The following IRF8 variants were observed in gnomAD, a reference collection of about 807,000 sequenced individuals.
The protein encoded by IRF8 is interferon regulatory factor 8.
In IRF8, 14 loss-of-function variants were observed where a neutral mutation model predicts 48.7. The ratio of observed to expected loss-of-function variants is 0.29; its 90% CI spans 0.19 to 0.45. The LOEUF (loss-of-function observed/expected upper bound fraction) is 0.45. Ranked by LOEUF, IRF8 falls within the 20% of genes least tolerant of loss-of-function variation. The pLI, the probability that IRF8 is intolerant of heterozygous loss-of-function variation, is 1.00. For synonymous variants in IRF8, 278 were observed against 227.3 expected, an observed-to-expected ratio of 1.22 and a Z score of -2.01; for missense variants, 493 against 580.7, an observed-to-expected ratio of 0.85 and a Z score of 1.55.
intron 6 of IRF8, among the ~76,000 whole-genome samples, chr16:85,917,646 A>G (rs1905358889): frequency 1.3e-5 from 2 of 152,212 alleles, no homozygotes; most frequent in African/African-American, 4.8e-5. Context: ...TTGGAGCCCT[A>G]AGTTCAGTGC....
chr16:85,906,819 G>T (rs1472771874), intron 2 of IRF8, among the ~76,000 whole-genome samples: 1 of 152,098 alleles, frequency 6.6e-6, no homozygotes, highest in Non-Finnish European at 1.5e-5. Context: ...CTAGGGGAGG[G>T]GTGCTATTGG....
rs1183491445 is a variant in IRF8 at position 85,922,200 on chromosome 16, C to T, written c.*918C>T. ...GTGGAAGGTGTTAGGGTTTGGGAGA[C>T]AGCTCATCCAATCTCCCAAGTCTCA... On this transcript the variant is annotated 3_prime_UTR_variant, in exon 9 of 9. Coordinates refer to ENST00000268638, the MANE Select transcript of IRF8 (RefSeq NM_002163.4). 1 of 152,356 alleles carries T rather than the reference C, an allele frequency of 6.6e-6. No individual in the cohort carries two copies. Among genetic ancestry groups the T allele is most frequent in the Non-Finnish European group, 1.5e-5 (1 of 68,040 alleles). The allele number at this position is 152,356 out of a possible 1,614,324, so 9.4% of individuals were successfully genotyped here.
At chr16:85,903,440 C>G in intron 2 of IRF8, 1 of 503,606 alleles carries the variant, frequency 2.0e-6, no homozygotes, top group East Asian at 3.7e-5. Flanking sequence ...CTTTTCTTCT[C>G]TTTTCTGCTG....
rs10604224 is a variant in IRF8 at position 85,920,239 on chromosome 16, C to CTTTTTTT, written c.1104+34_1104+40dup. On this transcript the variant is annotated intron_variant, in intron 8 of 8. Coordinates refer to ENST00000268638, the MANE Select transcript of IRF8 (RefSeq NM_002163.4). ...TTCTCGTGCAGGTAAGTATGGGCAG[C>CTTTTTTT]TTTTTTTTTTTTTTTTTTTTTTTTT... The CTTTTTTT allele has an allele frequency of 7.6e-5, 37 of 488,462 alleles. No individual in the cohort carries two copies. Among genetic ancestry groups the CTTTTTTT allele is most frequent in the South Asian group, 1.5e-4 (8 of 53,460 alleles). The allele number at this position is 488,462 out of a possible 1,614,324, so 30.3% of individuals were successfully genotyped here.
intron 6 of IRF8, among the ~76,000 whole-genome samples, chr16:85,916,106 A>G (rs1905296624): frequency 6.6e-6 from 1 of 150,832 alleles, no homozygotes; most frequent in Admixed American, 6.6e-5. Flanking sequence ...CTGTGTAGAT[A>G]AGCATTTGTC....
Position 85,921,777 on chromosome 16 carries a change from A to T in IRF8, c.*495A>T, listed in dbSNP as rs574445483. Reference sequence around the variant, plus strand: ...CTTTTTACTTTTATGCATTTTAATAAGATTTAAAAATATTTAGATTAAAGC... The same window carrying T: ...CTTTTTACTTTTATGCATTTTAATATGATTTAAAAATATTTAGATTAAAGC... On this transcript the variant is annotated 3_prime_UTR_variant, in exon 9 of 9. Transcript: ENST00000268638. 1 of 185,320 alleles carries T rather than the reference A, an allele frequency of 5.4e-6. No homozygotes were observed. The highest frequency in any genetic ancestry group is 5.4e-5 in the Admixed American group (1 of 18,370). 11.5% of individuals were successfully genotyped at this position (185,320 alleles called of 1,614,324 possible). A position where few individuals can be genotyped will look rare whatever the true frequency, so the allele number is the denominator to read the frequency against.
At chr16:85,914,612 G>A (rs1468157815) in intron 6 of IRF8, 92 bp downstream of exon 6, 2 of 1,421,370 alleles carry the variant, frequency 1.4e-6, no homozygotes, top group Admixed American at 1.8e-5. Flanking sequence ...TCGAGGATGA[G>A]CAGGACCTGG....
At chr16:85,918,273 G>T (rs544440308) in intron 6 of IRF8, 144 bp from the exon 7 acceptor site, 1 of 896,304 alleles carries the variant, frequency 1.1e-6, no homozygotes. Flanking sequence ...TCTACAAGCA[G>T]TACATGGATT....
At chr16:85,899,432 C>T (rs2270502) in intron 1 of IRF8, among the ~76,000 whole-genome samples, 12,929 of 152,296 alleles carry the variant, frequency 0.085, 640 homozygotes, top group African/African-American at 0.14. Flanking sequence ...TGTCGTTTGC[C>T]TGTTTCCAAA....
rs1905417284 is a variant in IRF8, at chr16:85,918,691, G to A, written c.876G>A (p.Leu292=). 1 of 1,612,058 alleles carries A rather than the reference G, an allele frequency of 6.2e-7. No homozygotes were observed. Reference sequence around the variant, plus strand: ...GGCAGGGCGTGTTCGTCAAGCGGCTGTGCCAGGGCCGCGTGTTCTGCAGCG... The same window carrying A: ...GGCAGGGCGTGTTCGTCAAGCGGCTATGCCAGGGCCGCGTGTTCTGCAGCG... ...SSRQGVFVKR[L]CQGRVFCSGN... The change falls in exon 7 of 9, where the codon CTG becomes CTA. Residue 292 remains leucine (L), a synonymous_variant. Coordinates refer to ENST00000268638, the MANE Select transcript of IRF8 (RefSeq NM_002163.4).
In IRF8 at chr16:85,918,627, T is replaced by G; in HGVS notation, c.812T>G (p.Phe271Cys). The G allele has an allele frequency of 6.2e-7, 1 of 1,608,444 alleles. No homozygotes were observed. The highest frequency in any genetic ancestry group is 8.5e-7 in the Non-Finnish European group (1 of 1,179,520). Reference sequence around the variant, plus strand: ...CAGAGGCAGGTGACGCGGAAGCTGTTCGGGCACCTGGAGCGCGGGGTGCTG... The same window carrying G: ...CAGAGGCAGGTGACGCGGAAGCTGTGCGGGCACCTGGAGCGCGGGGTGCTG... ...ERQRQVTRKL[F>C]GHLERGVLLH... The change falls in exon 7 of 9, where the codon TTC becomes TGC. Residue 271 changes from phenylalanine to cysteine, a missense_variant. Physicochemically the swap from Phe to Cys is radical, Grantham distance 205 (BLOSUM62 -2). This residue lies in a region of IRF8 where 408 missense variants were observed against 449.6 expected (regional missense o/e 0.91). Transcript: ENST00000268638.
At chr16:85,915,896 C>G (rs1185278737) in intron 6 of IRF8, among the ~76,000 whole-genome samples, 1 of 152,204 alleles carries the variant, frequency 6.6e-6, no homozygotes, top group Non-Finnish European at 1.5e-5. Flanking sequence ...CTTCTAGAAG[C>G]TGTGAGCTTT....
chr16:85,920,858 C>T (rs1198064709), intron 8 of IRF8, among the ~76,000 whole-genome samples: 1 of 152,174 alleles, frequency 6.6e-6, no homozygotes, highest in African/African-American at 2.4e-5. Flanking sequence ...GCCCTTATTT[C>T]ATGTAGTCAA....
chr16:85,908,884 C>G (rs555406604), intron 2 of IRF8, 106 bp from the exon 3 acceptor site: 116 of 1,010,362 alleles, frequency 1.1e-4, no homozygotes, highest in Non-Finnish European at 1.6e-4. Context: ...TGATGGCCAA[C>G]AAAGATTCAT....
intron 3 of IRF8, among the ~76,000 whole-genome samples, chr16:85,910,286 G>A (rs1200285454): frequency 2.6e-5 from 4 of 152,180 alleles, no homozygotes; most frequent in South Asian, 2.1e-4. Flanking sequence ...GGTTTGGGGC[G>A]TTTGTAGCCT....
intron 1 of IRF8, among the ~76,000 whole-genome samples, chr16:85,899,685 AATTCTGTTTAAT>A (rs2152097410): frequency 6.6e-6 from 1 of 152,276 alleles, no homozygotes; most frequent in Admixed American, 6.5e-5. Flanking sequence ...CTGCTTCTAA[AATTCTGTTTAAT>A]GACAGTCAAT....
intron 2 of IRF8, among the ~76,000 whole-genome samples, chr16:85,905,226 C>T (rs114338041): frequency 0.023 from 3,551 of 152,268 alleles, 137 homozygotes; most frequent in African/African-American, 0.081. Flanking sequence ...GGCACAGTTG[C>T]AGGTTGGACA....
intron 8 of IRF8, among the ~76,000 whole-genome samples, chr16:85,920,804 G>A (rs774917179): frequency 1.3e-5 from 2 of 152,156 alleles, no homozygotes; most frequent in Non-Finnish European, 2.9e-5. Flanking sequence ...GATTCTACCT[G>A]TTCAGTTGCC....
At chr16:85,901,001 G>A (rs957733880) in intron 1 of IRF8, 4 of 152,164 alleles carry the variant, frequency 2.6e-5, no homozygotes, top group African/African-American at 7.2e-5. Flanking sequence ...AGTCTCAGAA[G>A]CCAACCCCTA....
Sources: gnomAD v4.1 joint callset for allele counts (sites outside exome capture counted in the v4.1 genomes callset) on GRCh38, gnomAD v4.1.1 for gene constraint, gnomAD v4.1.1 regional missense constraint, MANE v1.5 for transcripts, NCBI Gene and HGNC (gene_info 2026-07-23, HGNC 2026-07-21) for gene names.